The following RBL1 variants were observed in gnomAD, a reference collection of about 807,000 sequenced individuals.
RBL1 encodes retinoblastoma-like protein 1.
A neutral mutation model predicts 123.0 loss-of-function variants in RBL1; 82 were observed. That is an observed-to-expected ratio of 0.67 (90% CI 0.56 to 0.80). The LOEUF (loss-of-function observed/expected upper bound fraction) is 0.80, where lower values mean the gene tolerates loss of function less well. Ranked by LOEUF, RBL1 falls within the 30% of genes least tolerant of loss-of-function variation. The probability of loss-of-function intolerance (pLI) is 0.00; values close to 1 mark genes in which losing one functional copy is unlikely to be tolerated. For missense variants in RBL1, 1,171 were observed against 1,299.6 expected (o/e 0.90, Z 1.52); for synonymous variants, 405 against 441.3 (o/e 0.92, Z 1.03).
intron 19 of RBL1, among the ~76,000 whole-genome samples, chr20:37,014,526 C>T (rs771712379): frequency 1.4e-4 from 21 of 151,982 alleles, no homozygotes; most frequent in Non-Finnish European, 2.9e-4. Context: ...AGGCAGTGTG[C>T]GGTGACTCAC....
intron 3 of RBL1, among the ~76,000 whole-genome samples, chr20:37,067,516 C>G (rs887127316): frequency 1.4e-4 from 21 of 151,864 alleles, no homozygotes; most frequent in African/African-American, 4.6e-4. Flanking sequence ...TGCCTGTAAT[C>G]CCAGCACTCT....
chr20:37,000,984 G>A (rs1600431278), intron 21 of RBL1, among the ~76,000 whole-genome samples: 5 of 139,882 alleles, frequency 3.6e-5, no homozygotes, highest in South Asian at 2.3e-4. Context: ...GAAGAGAGGA[G>A]CCCCTCTGCC....
At chr20:37,005,894 CTTTTT>C (rs1013303071) in intron 20 of RBL1, among the ~76,000 whole-genome samples, 1 of 98,138 alleles carries the variant, frequency 1.0e-5, no homozygotes, top group Non-Finnish European at 1.9e-5. Flanking sequence ...TTTTTTCTTT[CTTTTT>C]TTTTTTTTTT....
At chr20:37,064,948 T>G (rs899583326) in intron 7 of RBL1, among the ~76,000 whole-genome samples, 2 of 150,714 alleles carry the variant, frequency 1.3e-5, no homozygotes, top group African/African-American at 4.9e-5. Flanking sequence ...TTTTTTTTTT[T>G]GGAAATAGGG....
rs193203388 is a variant in RBL1 at position 37,050,310 on chromosome 20, G to A, written c.1468-3120C>T. On this transcript the variant is annotated intron_variant, in intron 11 of 21. Transcript: ENST00000373664. Reference sequence around the variant, plus strand: ...TGTAATCCCAGCACTTTGGGAGGCCGAGACGGGCAGATCACAAGGTCAGGA... The same window carrying A: ...TGTAATCCCAGCACTTTGGGAGGCCAAGACGGGCAGATCACAAGGTCAGGA... 5.9e-5 allele frequency among the ~76,000 whole-genome samples: 9 copies of A among 151,940 alleles called. No individual in the cohort carries two copies. In the South Asian group the frequency reaches 8.3e-4, roughly 14 times the overall value.
intron 12 of RBL1, among the ~76,000 whole-genome samples, chr20:37,044,868 G>C (rs1319665939): frequency 6.6e-6 from 1 of 152,138 alleles, no homozygotes; most frequent in Non-Finnish European, 1.5e-5. Flanking sequence ...TCCAAGTCTA[G>C]TTCTATTTTG....
In RBL1 at chr20:37,056,154, G is replaced by C; in HGVS notation, c.1355C>G (p.Ser452Cys). ...TAGTTTTCTTTTCTTACCTATGTGA[G>C]ATCCTGGCTGTTCATCTGTTGATTG... ...YTQSTDEQPG[S>C]HIDFAVNRLK... The change falls in exon 10 of 22, where the codon TCT becomes TGT. Residue 452 changes from serine to cysteine, a missense_variant. By Grantham distance (112) the Ser-to-Cys change is moderately radical. Transcript: ENST00000373664. 1 of 1,607,000 alleles carries C rather than the reference G, an allele frequency of 6.2e-7. No homozygotes were observed.
chr20:37,007,594 A>C, intron 19 of RBL1, 35 bp from the exon 20 acceptor site: 1 of 1,600,784 alleles, frequency 6.2e-7, no homozygotes, highest in East Asian at 2.2e-5. Context: ...GATACAAAGC[A>C]TACTTTTTAT....
intron 12 of RBL1, 30 bp from the exon 13 acceptor site, chr20:37,044,280 G>A (rs769409883): frequency 3.7e-6 from 6 of 1,609,570 alleles, no homozygotes; most frequent in Admixed American, 3.4e-5. Context: ...AAGGCAATGT[G>A]GTTTCAAGCA....
intron 2 of RBL1, among the ~76,000 whole-genome samples, chr20:37,080,527 C>T (rs1301056724): frequency 1.3e-5 from 2 of 150,734 alleles, no homozygotes; most frequent in East Asian, 3.9e-4. Flanking sequence ...GGTGCGATCT[C>T]GGCTCACTAC....
At chr20:37,036,694 C>T (rs2146254885) in intron 14 of RBL1, among the ~76,000 whole-genome samples, 1 of 144,206 alleles carries the variant, frequency 6.9e-6, no homozygotes, top group South Asian at 2.2e-4. Flanking sequence ...GGTATGATCT[C>T]AGCTCACTGC....
intron 11 of RBL1, among the ~76,000 whole-genome samples, chr20:37,051,624 T>A (rs1403874243): frequency 2.0e-5 from 3 of 151,130 alleles, no homozygotes; most frequent in Non-Finnish European, 4.4e-5. Context: ...TATATGGCTA[T>A]ACAAAACATC....
chr20:36,999,623 CTGCGATTGCAGGCACGCG>C (rs2063933053), intron 21 of RBL1, among the ~76,000 whole-genome samples: 1 of 151,012 alleles, frequency 6.6e-6, no homozygotes, highest in East Asian at 2.0e-4. Flanking sequence ...TGCCGAGTGC[CTGCGATTGCAGGCACGCG>C]CCGCCACGCC....
chr20:37,070,420 G>A (rs1472257421), intron 2 of RBL1, among the ~76,000 whole-genome samples: 1 of 151,412 alleles, frequency 6.6e-6, no homozygotes, highest in Non-Finnish European at 1.5e-5. Context: ...ATTGTCCTAT[G>A]ACCCTGCCAA....
chr20:37,018,820 G>A (rs908323516), intron 18 of RBL1, among the ~76,000 whole-genome samples: 26 of 146,446 alleles, frequency 1.8e-4, no homozygotes, highest in South Asian at 1.5e-3. Context: ...GTGTGGTAGC[G>A]CACAGTTGTA....
In RBL1 at chr20:37,035,362, C is replaced by A. The variant is rs374420710; in HGVS notation, c.2050G>T (p.Ala684Ser). 1.9e-6 allele frequency: 3 copies of A among 1,614,036 alleles called. No homozygotes were observed. Among genetic ancestry groups the A allele is most frequent in the Non-Finnish European group, 1.7e-6 (2 of 1,179,992 alleles). The change falls in exon 15 of 22, where the codon GCT (alanine) becomes TCT (serine). Residue 684 changes from alanine (A) to serine (S), a missense_variant. Physicochemically the swap from Ala to Ser is moderately conservative, Grantham distance 99. Coordinates refer to ENST00000373664, the MANE Select transcript of RBL1 (RefSeq NM_002895.5). ...TCAGCAGTAATGCTTGAAGAAGGAG[C>A]GATTTTCAATTTTGTTCCTTCTGTT... is the stretch of plus-strand genomic sequence containing the variant. ...IITEGTKLKI[A>S]PSSSITAENV...
chr20:37,080,615 C>T (rs1489320452), intron 2 of RBL1, among the ~76,000 whole-genome samples: 1 of 151,102 alleles, frequency 6.6e-6, no homozygotes, highest in Non-Finnish European at 1.5e-5. Context: ...CCCACCATTG[C>T]GCCCAGCAAA....
intron 11 of RBL1, 73 bp downstream of exon 11, chr20:37,055,480 A>G: frequency 1.9e-6 from 3 of 1,606,496 alleles, no homozygotes; most frequent in Non-Finnish European, 2.5e-6. Context: ...AACGCCTTAC[A>G]GAGCCTCTCA....
At chr20:36,999,639 G>A (rs2063933454) in intron 21 of RBL1, among the ~76,000 whole-genome samples, 2 of 151,988 alleles carry the variant, frequency 1.3e-5, no homozygotes, top group African/African-American at 4.8e-5. Context: ...TTGCAGGCAC[G>A]CGCCGCCACG....
Sources: gnomAD v4.1 joint callset for allele counts (sites outside exome capture counted in the v4.1 genomes callset) on GRCh38, gnomAD v4.1.1 for gene constraint, MANE v1.5 for transcripts, NCBI Gene and HGNC (gene_info 2026-07-23, HGNC 2026-07-21) for gene names.